Variants in THADA observed in about 807,000 individuals in gnomAD.
THADA encodes the protein tRNA (32-2'-O)-methyltransferase regulator THADA.
In THADA, 213 loss-of-function variants were observed where a neutral mutation model predicts 219.8. The observed-to-expected ratio is 0.97, with a 90% CI of 0.87 to 1.09. THADA has a LOEUF of 1.09. Among genes scored for constraint, THADA ranks in the 50% least tolerant of loss-of-function variants. THADA has a pLI of 0.00. For missense variants in THADA, 2,956 were observed against 2,311.3 expected, an observed-to-expected ratio of 1.28 and a Z score of -5.72; for synonymous variants, 1,018 against 828.9, an observed-to-expected ratio of 1.23 and a Z score of -3.92.
At chr2:43,592,738 A>C (rs961168830) in intron 1 of THADA, 1 of 177,910 alleles carries the variant, frequency 5.6e-6, no homozygotes, top group Non-Finnish European at 1.2e-5. Flanking sequence ...TTTACCTACT[A>C]TGACTCAGTC....
chr2:43,272,623 CTTTT>C (rs397871468), intron 36 of THADA, among the ~76,000 whole-genome samples: 1 of 120,292 alleles, frequency 8.3e-6, no homozygotes, highest in African/African-American at 3.1e-5. Context: ...TGGTTTTGTG[CTTTT>C]TTTTTTTTTT....
Position 43,260,916 on chromosome 2 carries a change from T to A in THADA, c.5296+18849A>T, listed in dbSNP as rs116512840. Reference sequence around the variant, plus strand: ...GTATTTAAATCCTTTAAGGCCTCATTCATCTTTGGTTGGCTTGACCTTTTA... The same window carrying A: ...GTATTTAAATCCTTTAAGGCCTCATACATCTTTGGTTGGCTTGACCTTTTA... On this transcript the variant is annotated intron_variant, in intron 36 of 37. Transcript: ENST00000405975. Among the ~76,000 whole-genome samples the A allele has an allele frequency of 4.4e-3, 674 of 152,328 alleles. 1 individual carries two copies. The highest frequency in any genetic ancestry group is 7.2e-3 in the Non-Finnish European group (490 of 68,016).
rs1218533182 is a variant in THADA at position 43,556,562 on chromosome 2, T to A, written c.2464-7A>T. ...CTTGCAGTTTCCCCGAATCCTAGAA[T>A]AAAGCGCAGACTCAGTAACTGTCAA... On this transcript the variant is annotated splice_polypyrimidine_tract_variant and splice_region_variant and intron_variant, in intron 16 of 37. Transcript: ENST00000405975. 1.9e-6 allele frequency: 3 copies of A among 1,612,434 alleles called. No individual in the cohort carries two copies.
At chr2:43,523,232 G>A (rs1490802017) in intron 22 of THADA, among the ~76,000 whole-genome samples, 3 of 152,026 alleles carry the variant, frequency 2.0e-5, no homozygotes, top group East Asian at 1.9e-4. Context: ...GGGCATGGTG[G>A]CAGACACCCG....
At chr2:43,377,818 G>A (rs1468898476) in intron 29 of THADA, among the ~76,000 whole-genome samples, 1 of 152,084 alleles carries the variant, frequency 6.6e-6, no homozygotes. Flanking sequence ...CAGTGCACAG[G>A]GGACTGCCAG....
intron 31 of THADA, among the ~76,000 whole-genome samples, chr2:43,297,451 G>C (rs1290240494): frequency 9.0e-6 from 1 of 111,512 alleles, no homozygotes; most frequent in Non-Finnish European, 1.8e-5. Flanking sequence ...GGGAGGTGGG[G>C]GGGGGTCAGC....
intron 21 of THADA, among the ~76,000 whole-genome samples, chr2:43,533,816 G>A (rs919197837): frequency 5.3e-5 from 8 of 152,028 alleles, no homozygotes; most frequent in Non-Finnish European, 1.0e-4. Context: ...TAGATGACAG[G>A]TTGATAGGTG....
chr2:43,561,841 G>C (rs1698102076), intron 15 of THADA, among the ~76,000 whole-genome samples: 1 of 152,132 alleles, frequency 6.6e-6, no homozygotes, highest in African/African-American at 2.4e-5. Context: ...TAGGACAAAA[G>C]CTTTCAGTTT....
intron 28 of THADA, among the ~76,000 whole-genome samples, chr2:43,425,133 T>G (rs1678244489): frequency 6.6e-6 from 1 of 152,154 alleles, no homozygotes; most frequent in Non-Finnish European, 1.5e-5. Context: ...CTAACACCCT[T>G]GACAAGCCCT....
intron 3 of THADA, among the ~76,000 whole-genome samples, chr2:43,591,244 A>G (rs1162074891): frequency 6.6e-6 from 1 of 152,114 alleles, no homozygotes; most frequent in Non-Finnish European, 1.5e-5. Flanking sequence ...GGATTGCTTG[A>G]GCCCAGGAGG....
chr2:43,367,087 A>T (rs1265183988), intron 29 of THADA, among the ~76,000 whole-genome samples: 3 of 152,242 alleles, frequency 2.0e-5, no homozygotes, highest in Non-Finnish European at 4.4e-5. Context: ...CACAAAAAAG[A>T]TAAATACTGT....
At chr2:43,502,599 A>AG (rs534652187) in intron 24 of THADA, among the ~76,000 whole-genome samples, 15,552 of 144,256 alleles carry the variant, frequency 0.11, 1,006 homozygotes, top group African/African-American at 0.19. Context: ...AAAAAAAAAA[A>AG]AAAGAAAGAA....
intron 26 of THADA, among the ~76,000 whole-genome samples, chr2:43,458,935 G>C (rs983139868): frequency 6.6e-6 from 1 of 151,908 alleles, no homozygotes; most frequent in Non-Finnish European, 1.5e-5. Context: ...GTATTATGTT[G>C]ATCTTCAAAA....
chr2:43,458,956 A>G (rs1185931471), intron 26 of THADA, among the ~76,000 whole-genome samples: 1 of 152,096 alleles, frequency 6.6e-6, no homozygotes, highest in Non-Finnish European at 1.5e-5. Flanking sequence ...TAAAAAAAAA[A>G]TTTTGCTGGT....
chr2:43,297,659 A>T (rs80223524), intron 31 of THADA, among the ~76,000 whole-genome samples: 1 of 59,920 alleles, frequency 1.7e-5, no homozygotes, highest in South Asian at 7.4e-4. Flanking sequence ...GCCTCTGCCC[A>T]GCCACCCCTA....
At chr2:43,466,958 G>A (rs556033978) in intron 26 of THADA, among the ~76,000 whole-genome samples, 5 of 151,328 alleles carry the variant, frequency 3.3e-5, no homozygotes, top group Non-Finnish European at 7.4e-5. Flanking sequence ...CGAGGCGGGC[G>A]GATCACGAGG....
intron 31 of THADA, among the ~76,000 whole-genome samples, chr2:43,318,324 GCCA>G: frequency 6.6e-6 from 1 of 152,052 alleles, no homozygotes; most frequent in Middle Eastern, 3.4e-3. Flanking sequence ...ATGGGCTTGA[GCCA>G]CCACATCTGA....
intron 36 of THADA, among the ~76,000 whole-genome samples, chr2:43,259,917 T>C (rs1670747348): frequency 6.6e-6 from 1 of 152,224 alleles, no homozygotes; most frequent in South Asian, 2.1e-4. Flanking sequence ...TCTAAAAATG[T>C]ACCAATTTAT....
Position 43,266,971 on chromosome 2 carries a change from AC to A in THADA, c.5296+12793del, listed in dbSNP as rs199894354. Among the ~76,000 whole-genome samples, 1,063 of 152,010 alleles carry A rather than the reference AC, an allele frequency of 7.0e-3. 3 individuals carry two copies. Among genetic ancestry groups the A allele is most frequent in the Non-Finnish European group, 0.012 (798 of 67,944 alleles). ...CCATTGCTCCTTTTTTTTGGTCTCTACTAAGTGTTTTCTTCCTTCCCAGTCC... is the reference window on the plus strand; with the variant it reads ...CCATTGCTCCTTTTTTTTGGTCTCTATAAGTGTTTTCTTCCTTCCCAGTCC... On this transcript the variant is annotated intron_variant, in intron 36 of 37. Transcript: ENST00000405975.
Sources: gnomAD v4.1 joint callset for allele counts (sites outside exome capture counted in the v4.1 genomes callset) on GRCh38, gnomAD v4.1.1 for gene constraint, MANE v1.5 for transcripts, NCBI Gene and HGNC (gene_info 2026-07-23, HGNC 2026-07-21) for gene names.